The following TENM4 variants were observed in gnomAD, a reference collection of about 807,000 sequenced individuals.
TENM4 encodes the protein teneurin-4.
TENM4 carries 82 observed loss-of-function variants against 243.3 expected under a neutral mutation model. That is an observed-to-expected ratio of 0.34 (90% CI 0.28 to 0.40). The LOEUF (loss-of-function observed/expected upper bound fraction) is 0.40. TENM4 is among the 10% of genes least tolerant of loss of function. TENM4 has a pLI of 1.00. For synonymous variants in TENM4, 1,412 were observed against 1,456.3 expected, an observed-to-expected ratio of 0.97 and a Z score of 0.69; for missense variants, 3,138 against 3,673.3, an observed-to-expected ratio of 0.85 and a Z score of 3.77.
intron 9 of TENM4, among the ~76,000 whole-genome samples, chr11:78,881,044 A>T (rs935908064): frequency 3.3e-5 from 5 of 152,102 alleles, no homozygotes; most frequent in Admixed American, 3.3e-4. Flanking sequence ...AAATGTGTTA[A>T]TTTTCTGTAT....
chr11:79,341,516 G>A (rs1330776543), intron 1 of TENM4, among the ~76,000 whole-genome samples: 1 of 152,194 alleles, frequency 6.6e-6, no homozygotes, highest in Non-Finnish European at 1.5e-5. Flanking sequence ...ACCCAAGAAA[G>A]TCATACAGGT....
chr11:79,313,734 A>C (rs1856758409), intron 1 of TENM4, among the ~76,000 whole-genome samples: 1 of 152,206 alleles, frequency 6.6e-6, no homozygotes, highest in African/African-American at 2.4e-5. Context: ...GAGCTCCAGC[A>C]GTGACAACAG....
intron 6 of TENM4, among the ~76,000 whole-genome samples, chr11:78,970,203 G>C (rs577110144): frequency 9.9e-5 from 15 of 152,146 alleles, no homozygotes; most frequent in African/African-American, 3.4e-4. Flanking sequence ...TTATGTTCTT[G>C]TCTACTGCTT....
chr11:79,020,049 T>C (rs577067681), intron 6 of TENM4, among the ~76,000 whole-genome samples: 12 of 152,308 alleles, frequency 7.9e-5, no homozygotes, highest in African/African-American at 2.9e-4. Context: ...CATTTTCTTA[T>C]CCCCACAATC....
At chr11:78,939,952 T>C (rs939563494) in intron 6 of TENM4, among the ~76,000 whole-genome samples, 5 of 151,926 alleles carry the variant, frequency 3.3e-5, no homozygotes, top group African/African-American at 1.2e-4. Flanking sequence ...TAATTTCCTC[T>C]AGACTCTAAA....
chr11:78,707,763 G>C (rs1277929449), intron 27 of TENM4, among the ~76,000 whole-genome samples: 1 of 152,226 alleles, frequency 6.6e-6, no homozygotes, highest in Non-Finnish European at 1.5e-5. Flanking sequence ...AGCAATGCTA[G>C]GAGTCGTGGA....
chr11:79,005,845 T>G (rs1052689245), intron 6 of TENM4, among the ~76,000 whole-genome samples: 3 of 152,166 alleles, frequency 2.0e-5, no homozygotes, highest in African/African-American at 7.2e-5. Flanking sequence ...CCTAGAAAAC[T>G]CCACAGTTTC....
intron 15 of TENM4, among the ~76,000 whole-genome samples, chr11:78,800,739 GAGAGA>G (rs1857265617): frequency 6.2e-5 from 1 of 16,226 alleles, no homozygotes; most frequent in Non-Finnish European, 2.1e-4. Context: ...TCACAGGGGA[GAGAGA>G]GAGAGAGAGA....
chr11:79,340,597 C>T (rs779121874), intron 1 of TENM4, among the ~76,000 whole-genome samples: 5 of 152,090 alleles, frequency 3.3e-5, no homozygotes, highest in South Asian at 4.2e-4. Flanking sequence ...AAGGCCTTCC[C>T]GCCCATCATT....
At position 79,064,745 on chromosome 11, in the gene TENM4, A is replaced by G. The variant is rs1860195872; in HGVS notation, c.486T>C (p.Thr162=). Reference sequence around the variant, plus strand: ...ACCAAACCAGCCACTCACCAGTCTCAGTGTTTTCATGCTCGGTGTCGGTGA... The same window carrying G: ...ACCAAACCAGCCACTCACCAGTCTCGGTGTTTTCATGCTCGGTGTCGGTGA... ...LTLTDTEHEN[T]ETDHPGGLQN... The change falls in exon 6 of 34, where the codon ACT becomes ACC. Residue 162 remains threonine (T), a synonymous_variant. Transcript: ENST00000278550. 1 of 1,551,634 alleles carries G rather than the reference A, an allele frequency of 6.4e-7. No homozygotes were observed. The highest frequency in any genetic ancestry group is 8.7e-7 in the Non-Finnish European group (1 of 1,146,976).
intron 19 of TENM4, chr11:78,749,239 G>A (rs757343025): frequency 3.9e-5 from 6 of 152,140 alleles, no homozygotes; most frequent in Non-Finnish European, 7.3e-5. Flanking sequence ...TCATTTCAAC[G>A]CGGGGAGGGA....
chr11:78,674,285 T>C (rs1305834137), intron 30 of TENM4, among the ~76,000 whole-genome samples: 1 of 152,236 alleles, frequency 6.6e-6, no homozygotes, highest in Non-Finnish European at 1.5e-5. Context: ...AACTCCATTA[T>C]GGGGAGGCAC....
At chr11:79,047,703 C>T (rs948910451) in intron 6 of TENM4, among the ~76,000 whole-genome samples, 4 of 152,128 alleles carry the variant, frequency 2.6e-5, no homozygotes, top group Non-Finnish European at 4.4e-5. Flanking sequence ...GATGCAGGTT[C>T]GGAGTCAGGC....
chr11:79,054,687 C>T (rs186874499), intron 6 of TENM4, among the ~76,000 whole-genome samples: 49 of 152,248 alleles, frequency 3.2e-4, no homozygotes, highest in African/African-American at 1.2e-3. Flanking sequence ...TTCAAGCGAT[C>T]CTCCCGCCTT....
chr11:79,384,949 A>AAAATAAAATAAAATAAAATAAAAT (rs1436127252), intron 1 of TENM4, among the ~76,000 whole-genome samples: 11 of 149,536 alleles, frequency 7.4e-5, no homozygotes, highest in Admixed American at 2.7e-4. Context: ...AAAATAAAAT[A>AAAATAAAATAAAATAAAATAAAAT]AAATAAAATA....
At chr11:78,816,487 C>T (rs1356210247) in intron 12 of TENM4, among the ~76,000 whole-genome samples, 2 of 152,204 alleles carry the variant, frequency 1.3e-5, no homozygotes, top group South Asian at 2.1e-4. Context: ...AACAGTGGGA[C>T]AGAGAAGCCC....
intron 6 of TENM4, among the ~76,000 whole-genome samples, chr11:78,948,278 A>G (rs549185405): frequency 3.3e-5 from 5 of 152,334 alleles, no homozygotes; most frequent in South Asian, 4.1e-4. Flanking sequence ...AGAGCATTCT[A>G]TCATCTAACC....
chr11:79,374,837 G>A (rs1239336297), intron 1 of TENM4, among the ~76,000 whole-genome samples: 2 of 152,192 alleles, frequency 1.3e-5, no homozygotes, highest in Admixed American at 6.5e-5. Flanking sequence ...AAGTGCTTAC[G>A]AAGCAGGCGA....
At chr11:79,128,441 G>A (rs1475126808) in intron 4 of TENM4, among the ~76,000 whole-genome samples, 1 of 152,174 alleles carries the variant, frequency 6.6e-6, no homozygotes, top group East Asian at 1.9e-4. Flanking sequence ...GGCTTGAGCA[G>A]GTCCTGAAGG....
Sources: allele counts gnomAD v4.1 joint callset (sites outside exome capture counted in the v4.1 genomes callset), GRCh38; gene constraint gnomAD v4.1.1; transcripts MANE v1.5; gene names NCBI Gene and HGNC (gene_info 2026-07-23, HGNC 2026-07-21).